The following GPC5 variants were observed in gnomAD, a reference collection of about 807,000 sequenced individuals.
GPC5 encodes the protein glypican-5.
GPC5 carries 47 observed loss-of-function variants against 53.9 expected under a neutral mutation model. The observed-to-expected ratio is 0.87, with a 90% CI of 0.69 to 1.11. The LOEUF (loss-of-function observed/expected upper bound fraction) is 1.11, where lower values mean the gene tolerates loss of function less well. Among genes scored for constraint, GPC5 ranks in the 50% most tolerant of loss-of-function variants. GPC5 has a pLI of 0.00. For synonymous variants in GPC5, 286 were observed against 263.3 expected (o/e 1.09, Z -0.84); for missense variants, 748 against 713.1 (o/e 1.05, Z -0.56).
intron 5 of GPC5, among the ~76,000 whole-genome samples, chr13:91,845,730 C>G (rs1342380429): frequency 1.3e-5 from 2 of 152,050 alleles, no homozygotes; most frequent in East Asian, 3.8e-4. Context: ...ATAGTATTAC[C>G]GTGTCTGAGT....
intron 1 of GPC5, among the ~76,000 whole-genome samples, chr13:91,443,965 A>G (rs951075385): frequency 1.3e-5 from 2 of 152,214 alleles, no homozygotes; most frequent in African/African-American, 4.8e-5. Context: ...TTTATCCCAT[A>G]TTAGACTCAC....
At chr13:91,920,896 C>CT (rs1196151197) in intron 6 of GPC5, among the ~76,000 whole-genome samples, 1 of 110,836 alleles carries the variant, frequency 9.0e-6, no homozygotes, top group Non-Finnish European at 1.9e-5. Context: ...CCACTTTATC[C>CT]TTTTTTTAAA....
chr13:92,657,873 T>A (rs571041353), intron 7 of GPC5, among the ~76,000 whole-genome samples: 11 of 152,302 alleles, frequency 7.2e-5, no homozygotes, highest in African/African-American at 2.6e-4. Flanking sequence ...CCTAGAAAAC[T>A]AATAAAGTTG....
At chr13:92,779,791 T>C (rs184575020) in intron 7 of GPC5, among the ~76,000 whole-genome samples, 1 of 152,294 alleles carries the variant, frequency 6.6e-6, no homozygotes, top group East Asian at 1.9e-4. Context: ...GTCACTGATC[T>C]CCCAACAGAC....
chr13:91,810,762 A>C (rs1448530430), intron 5 of GPC5, among the ~76,000 whole-genome samples: 1 of 151,938 alleles, frequency 6.6e-6, no homozygotes, highest in African/African-American at 2.4e-5. Flanking sequence ...TGTACAATAT[A>C]AACTTTTCCA....
At chr13:91,981,532 G>A (rs1413026823) in intron 6 of GPC5, among the ~76,000 whole-genome samples, 2 of 152,124 alleles carry the variant, frequency 1.3e-5, no homozygotes, top group South Asian at 2.1e-4. Context: ...CTCGTGATCC[G>A]CCCACCTCGG....
At chr13:92,309,248 T>C (rs181649873) in intron 7 of GPC5, among the ~76,000 whole-genome samples, 5 of 152,200 alleles carry the variant, frequency 3.3e-5, no homozygotes, top group African/African-American at 1.2e-4. Context: ...GGAAGCAAAA[T>C]ACACATAGTT....
At chr13:92,477,050 AAAAT>A (rs139711160) in intron 7 of GPC5, among the ~76,000 whole-genome samples, 12,951 of 149,510 alleles carry the variant, frequency 0.087, 1,333 homozygotes, top group African/African-American at 0.25. Flanking sequence ...ATAATAATAA[AAAAT>A]AAATAAATAA....
intron 2 of GPC5, among the ~76,000 whole-genome samples, chr13:91,493,591 C>A (rs1884058642): frequency 6.6e-6 from 1 of 152,070 alleles, no homozygotes; most frequent in African/African-American, 2.4e-5. Context: ...TCAGTGAGAA[C>A]CTGTGCACAC....
Position 92,758,994 on chromosome 13 carries a change from G to GTTTTTTTTT in GPC5, c.1562-107271_1562-107263dup, listed in dbSNP as rs68182839. Among the ~76,000 whole-genome samples the GTTTTTTTTT allele has an allele frequency of 4.5e-4, 32 of 70,562 alleles. 1 individual carries two copies. Among genetic ancestry groups the GTTTTTTTTT allele is most frequent in the African/African-American group, 1.2e-3 (17 of 14,750 alleles). The allele number at this position is 70,562 out of a possible 152,430, so 46.3% of individuals were successfully genotyped here. ...CAGAGAATATCCTTTTCCCATTGCG[G>GTTTTTTTTT]TTTTTTTTTTTTTTTTTTTTTTTTT... On this transcript the variant is annotated intron_variant, in intron 7 of 7. Coordinates refer to ENST00000377067, the MANE Select transcript of GPC5 (RefSeq NM_004466.6).
intron 7 of GPC5, among the ~76,000 whole-genome samples, chr13:92,614,171 C>T (rs1487104856): frequency 1.3e-5 from 2 of 152,022 alleles, no homozygotes; most frequent in Non-Finnish European, 2.9e-5. Flanking sequence ...TTTGCTATGG[C>T]TCTCCTTGTC....
chr13:92,162,474 G>A (rs1445217965), intron 7 of GPC5, among the ~76,000 whole-genome samples: 1 of 152,170 alleles, frequency 6.6e-6, no homozygotes, highest in Non-Finnish European at 1.5e-5. Context: ...AGGTATCTCA[G>A]TCTTAGGGAT....
rs115091294 is a variant in GPC5 at position 92,355,573 on chromosome 13, A to G, written c.1561+210584A>G. ...TGCTCCCTGTTTTTCCCCTTTATTTATTGAAGATTTTGATACCTGCCTTGC... is the reference window on the plus strand; with the variant it reads ...TGCTCCCTGTTTTTCCCCTTTATTTGTTGAAGATTTTGATACCTGCCTTGC... On this transcript the variant is annotated intron_variant, in intron 7 of 7. Transcript: ENST00000377067. 3.0e-3 allele frequency among the ~76,000 whole-genome samples: 460 copies of G among 152,154 alleles called. 3 individuals carry two copies. Among genetic ancestry groups the G allele is most frequent in the African/African-American group, 0.01 (431 of 41,524 alleles).
At chr13:91,851,959 A>G (rs1226848745) in intron 5 of GPC5, among the ~76,000 whole-genome samples, 1 of 150,470 alleles carries the variant, frequency 6.6e-6, no homozygotes. Context: ...CGCAATAAAC[A>G]TACGCGTGCA....
intron 7 of GPC5, among the ~76,000 whole-genome samples, chr13:92,532,119 A>G (rs114923628): frequency 0.029 from 4,391 of 152,212 alleles, 229 homozygotes; most frequent in African/African-American, 0.1. Flanking sequence ...CTTCCACAGA[A>G]AAGAGGAAGT....
intron 7 of GPC5, among the ~76,000 whole-genome samples, chr13:92,443,713 G>T (rs1014195975): frequency 6.6e-6 from 1 of 152,092 alleles, no homozygotes; most frequent in South Asian, 2.1e-4. Flanking sequence ...GCATAGCAGC[G>T]GTATGTAGAA....
chr13:91,989,228 T>A (rs1244678007), intron 6 of GPC5, among the ~76,000 whole-genome samples: 2 of 152,172 alleles, frequency 1.3e-5, no homozygotes, highest in African/African-American at 4.8e-5. Context: ...CATTATTGTG[T>A]GTAAAGAAAA....
chr13:92,197,499 C>T (rs1159716293), intron 7 of GPC5, among the ~76,000 whole-genome samples: 1 of 151,884 alleles, frequency 6.6e-6, no homozygotes, highest in African/African-American at 2.4e-5. Flanking sequence ...TATATTTTTT[C>T]CTATTGGGGT....
At chr13:92,295,203 T>G (rs976098734) in intron 7 of GPC5, among the ~76,000 whole-genome samples, 2 of 152,146 alleles carry the variant, frequency 1.3e-5, no homozygotes, top group Admixed American at 1.3e-4. Context: ...CCCAGAGGTT[T>G]TGATAGGTTG....
Sources: allele counts gnomAD v4.1 joint callset (sites outside exome capture counted in the v4.1 genomes callset), GRCh38; gene constraint gnomAD v4.1.1; transcripts MANE v1.5; gene names NCBI Gene and HGNC (gene_info 2026-07-23, HGNC 2026-07-21).